Variants in CSTF3 observed in about 807,000 individuals in gnomAD.
CSTF3 encodes CF-1 77 kDa subunit.
CSTF3 carries 29 observed loss-of-function variants against 105.8 expected under a neutral mutation model. The ratio of observed to expected loss-of-function variants is 0.27; its 90% CI spans 0.20 to 0.37. The LOEUF (loss-of-function observed/expected upper bound fraction) is 0.37, where lower values mean the gene tolerates loss of function less well. CSTF3 is among the 10% of genes least tolerant of loss of function. CSTF3 has a pLI of 1.00. For missense variants in CSTF3, 357 were observed against 879.3 expected, an observed-to-expected ratio of 0.41 and a Z score of 7.51; for synonymous variants, 252 against 281.9, an observed-to-expected ratio of 0.89 and a Z score of 1.06.
At chr11:33,113,803 C>T (rs987880847) in intron 3 of CSTF3, among the ~76,000 whole-genome samples, 8 of 151,876 alleles carry the variant, frequency 5.3e-5, no homozygotes, top group Non-Finnish European at 1.2e-4. Context: ...TGCCTATAAT[C>T]CCAGCACTTT....
At chr11:33,096,723 T>C in intron 14 of CSTF3, 112 bp downstream of exon 14, 1 of 1,064,956 alleles carries the variant, frequency 9.4e-7, no homozygotes, top group South Asian at 1.6e-5. Context: ...TTAGACTGCC[T>C]TTACAAAATG....
Position 33,161,398 on chromosome 11 carries a change from A to C in CSTF3, c.-73T>G. The C allele has an allele frequency of 1.9e-6, 3 of 1,547,214 alleles. No individual in the cohort carries two copies. The highest frequency in any genetic ancestry group is 2.7e-6 in the Non-Finnish European group (3 of 1,130,332). On this transcript the variant is annotated 5_prime_UTR_variant, in exon 1 of 21. Transcript: ENST00000323959. ...GAAAAGAAAAATTAAACTAAAAACCACCCCCAAATCAGTAAAGTTACCCCC... is the reference window on the plus strand; with the variant it reads ...GAAAAGAAAAATTAAACTAAAAACCCCCCCCAAATCAGTAAAGTTACCCCC...
intron 3 of CSTF3, among the ~76,000 whole-genome samples, chr11:33,132,028 A>T (rs1855605093): frequency 6.6e-6 from 1 of 152,078 alleles, no homozygotes; most frequent in African/African-American, 2.4e-5. Context: ...TATTCTTTCA[A>T]ATTTGTTTGA....
At chr11:33,149,511 TG>T (rs1437982675) in intron 1 of CSTF3, among the ~76,000 whole-genome samples, 1 of 152,214 alleles carries the variant, frequency 6.6e-6, no homozygotes, top group Non-Finnish European at 1.5e-5. Context: ...AAAGAAAAAC[TG>T]AACAGTTTTG....
intron 17 of CSTF3, 44 bp downstream of exon 17, chr11:33,090,488 C>A: frequency 8.2e-7 from 1 of 1,223,190 alleles, no homozygotes; most frequent in South Asian, 2.5e-5. Context: ...TTCTAAAACA[C>A]TGGAAAAGTG....
intron 3 of CSTF3, among the ~76,000 whole-genome samples, chr11:33,132,044 T>C (rs1024606006): frequency 6.6e-6 from 1 of 152,158 alleles, no homozygotes; most frequent in Non-Finnish European, 1.5e-5. Context: ...TTTGAAAATT[T>C]TTATAATAAA....
intron 3 of CSTF3, among the ~76,000 whole-genome samples, chr11:33,109,828 T>C (rs1590269213): frequency 6.6e-6 from 1 of 152,196 alleles, no homozygotes; most frequent in African/African-American, 2.4e-5. Context: ...TCTAGAACTA[T>C]ATAAGTTAGA....
At chr11:33,130,391 T>G (rs1453186468) in intron 3 of CSTF3, among the ~76,000 whole-genome samples, 1 of 152,054 alleles carries the variant, frequency 6.6e-6, no homozygotes, top group African/African-American at 2.4e-5. Flanking sequence ...GAGAATCGCT[T>G]GAATGCAGGA....
chr11:33,154,778 C>G (rs372508940), intron 1 of CSTF3, among the ~76,000 whole-genome samples: 2 of 152,048 alleles, frequency 1.3e-5, no homozygotes, highest in South Asian at 4.1e-4. Flanking sequence ...TACAGACAGG[C>G]GTGAGCCACG....
At chr11:33,143,218 A>T (rs1274307151) in intron 1 of CSTF3, among the ~76,000 whole-genome samples, 1 of 152,250 alleles carries the variant, frequency 6.6e-6, no homozygotes, top group African/African-American at 2.4e-5. Context: ...TAGACTGGTC[A>T]TCCTTGGAAG....
At chr11:33,087,957 G>A (rs945644283) in intron 17 of CSTF3, among the ~76,000 whole-genome samples, 5 of 152,296 alleles carry the variant, frequency 3.3e-5, no homozygotes, top group East Asian at 1.9e-4. Flanking sequence ...GAGCTCCTCT[G>A]CTCCAGACAA....
chr11:33,157,440 A>AG (rs1565023199), intron 1 of CSTF3, among the ~76,000 whole-genome samples: 1 of 152,178 alleles, frequency 6.6e-6, no homozygotes, highest in African/African-American at 2.4e-5. Context: ...TATGTTTGTT[A>AG]GGGGGGTAAA....
Position 33,105,702 on chromosome 11 carries a change from G to A in CSTF3, c.459-9C>T, listed in dbSNP as rs750492783. On this transcript the variant is annotated splice_polypyrimidine_tract_variant and intron_variant, in intron 7 of 20. Coordinates refer to ENST00000323959, the MANE Select transcript of CSTF3 (RefSeq NM_001326.3). ...AAGATCCTACAGCTTCCCTGAGATTGGATAAGAAATGCCATCAATTATATT... is the reference window on the plus strand; with the variant it reads ...AAGATCCTACAGCTTCCCTGAGATTAGATAAGAAATGCCATCAATTATATT... The A allele has an allele frequency of 1.2e-6, 2 of 1,612,160 alleles. No homozygotes were observed. Among genetic ancestry groups the A allele is most frequent in the African/African-American group, 2.7e-5 (2 of 74,790 alleles).
At chr11:33,124,736 G>A (rs1253381721) in intron 3 of CSTF3, among the ~76,000 whole-genome samples, 2 of 152,114 alleles carry the variant, frequency 1.3e-5, no homozygotes, top group African/African-American at 2.4e-5. Flanking sequence ...AATTGGACAT[G>A]TTCAAAAATG....
intron 3 of CSTF3, among the ~76,000 whole-genome samples, chr11:33,109,924 T>A (rs1251312853): frequency 6.6e-6 from 1 of 152,212 alleles, no homozygotes; most frequent in Non-Finnish European, 1.5e-5. Context: ...GTCCAGTAGA[T>A]TCCCCAGGCA....
In CSTF3 at chr11:33,096,876, C is replaced by T. The variant is rs1312426530; in HGVS notation, c.1231G>A (p.Val411Ile). Reference protein sequence around the residue: ...AREDTRTRHHVYVTAALMEYY... With the variant: ...AREDTRTRHHIYVTAALMEYY... ...TCCATGAGTGCTGCAGTAACATAGA[C>T]ATGGTGGCGGGTTCTGGTATCTTCT... The change falls in exon 14 of 21, where the codon GTC (valine) becomes ATC (isoleucine). Residue 411 changes from valine (V) to isoleucine (I), a missense_variant. Val to Ile is a conservative substitution (Grantham distance 29). Transcript: ENST00000323959. 1.9e-6 allele frequency: 3 copies of T among 1,613,734 alleles called. No homozygotes were observed. The highest frequency in any genetic ancestry group is 2.2e-5 in the East Asian group (1 of 44,816).
At chr11:33,141,586 G>A in intron 3 of CSTF3, 81 bp downstream of exon 3, 7 of 1,480,790 alleles carry the variant, frequency 4.7e-6, no homozygotes, top group Non-Finnish European at 6.3e-6. Flanking sequence ...TGTCCTAATT[G>A]GCTATGTTCC....
At chr11:33,109,536 C>CT (rs1378859101) in intron 3 of CSTF3, among the ~76,000 whole-genome samples, 15 of 152,128 alleles carry the variant, frequency 9.9e-5, no homozygotes, top group African/African-American at 3.4e-4. Context: ...AGTCAGACCT[C>CT]TTAGGTTCAC....
intron 6 of CSTF3, 33 bp from the exon 7 acceptor site, chr11:33,105,950 T>C (rs2133777646): frequency 6.3e-7 from 1 of 1,578,672 alleles, no homozygotes. Flanking sequence ...AATATCTTTC[T>C]TGGTATTCTT....
Sources: allele counts gnomAD v4.1 joint callset (sites outside exome capture counted in the v4.1 genomes callset), GRCh38; gene constraint gnomAD v4.1.1; transcripts MANE v1.5; gene names NCBI Gene and HGNC (gene_info 2026-07-23, HGNC 2026-07-21).